SSH2: variants seen among roughly 807,000 people sequenced by gnomAD.
SSH2 encodes slingshot protein phosphatase 2.
SSH2 carries 37 observed loss-of-function variants against 135.2 expected under a neutral mutation model. The ratio of observed to expected loss-of-function variants is 0.27; its 90% CI spans 0.21 to 0.36. SSH2 has a LOEUF of 0.36. Ranked by LOEUF, SSH2 falls within the 10% of genes least tolerant of loss-of-function variation. The pLI is 1.00. For synonymous variants in SSH2, 628 were observed against 646.2 expected, an observed-to-expected ratio of 0.97 and a Z score of 0.43; for missense variants, 1,408 against 1,765.3, an observed-to-expected ratio of 0.80 and a Z score of 3.63.
Position 29,671,950 on chromosome 17 carries a change from G to C in SSH2, c.794C>G (p.Ala265Gly). ...DVQSHRPDSP[A>G]LFTDIPTERE... The stretch of plus-strand genomic sequence containing the variant: ...ACTGACTTACATGTCGGTGAAGAGA[G>C]CTGGAGAGTCGGGCCGGTGGGACTG... The change falls in exon 9 of 16, where the codon GCT (alanine) becomes GGT (glycine). Residue 265 changes from alanine to glycine, a missense_variant. Ala to Gly is a moderately conservative substitution (Grantham distance 60). Transcript: ENST00000540801. 6.2e-7 allele frequency: 1 copy of C among 1,613,624 alleles called. No individual in the cohort carries two copies. Among genetic ancestry groups the C allele is most frequent in the Non-Finnish European group, 8.5e-7 (1 of 1,179,668 alleles).
rs780464970 is a variant in SSH2 at position 29,862,738 on chromosome 17, A to G, written c.64-13809T>C. 7.2e-5 allele frequency among the ~76,000 whole-genome samples: 11 copies of G among 152,318 alleles called. No individual in the cohort carries two copies. The East Asian group carries it at 1.7e-3, about 24-fold the overall frequency. ...CTGCAATTAGCCTATTTCATTTGCAAAGGTATTGCTGCTCTTCACTCATTG... is the reference window on the plus strand; with the variant it reads ...CTGCAATTAGCCTATTTCATTTGCAGAGGTATTGCTGCTCTTCACTCATTG... On this transcript the variant is annotated intron_variant, in intron 1 of 15. Coordinates refer to ENST00000540801, the MANE Select transcript of SSH2 (RefSeq NM_001282129.2).
chr17:29,917,348 T>C (rs2066900141), intron 1 of SSH2, among the ~76,000 whole-genome samples: 1 of 152,258 alleles, frequency 6.6e-6, no homozygotes, highest in Admixed American at 6.5e-5. Context: ...CCCTGACCAT[T>C]ATCCCCTTTG....
chr17:29,791,012 G>T (rs575387182), intron 3 of SSH2, among the ~76,000 whole-genome samples: 1 of 152,220 alleles, frequency 6.6e-6, no homozygotes, highest in Non-Finnish European at 1.5e-5. Context: ...ACAGGTGTGA[G>T]CCACTGCACC....
At chr17:29,797,537 C>A (rs1006979463) in intron 2 of SSH2, among the ~76,000 whole-genome samples, 1 of 152,104 alleles carries the variant, frequency 6.6e-6, no homozygotes. Flanking sequence ...CATGAATATA[C>A]GAGTTCATTT....
chr17:29,631,660 A>G lies in SSH2; in HGVS notation c.3534T>C (p.Asp1178=), dbSNP rs2035678945. The part of the protein sequence containing the change: ...EGFTEQSSTT[D]EPSAEQVSWE... Reference sequence around the variant, plus strand: ...AGCTAACCTGTTCTGCAGAGGGCTCATCTGTAGTGCTGCTCTGCTCTGTGA... The same window carrying G: ...AGCTAACCTGTTCTGCAGAGGGCTCGTCTGTAGTGCTGCTCTGCTCTGTGA... The change falls in exon 16 of 16, where the codon GAT becomes GAC. Residue 1178 remains aspartate (D), a synonymous_variant. Coordinates refer to ENST00000540801, the MANE Select transcript of SSH2 (RefSeq NM_001282129.2). 6.2e-7 allele frequency: 1 copy of G among 1,614,092 alleles called. No homozygotes were observed. The highest frequency in any genetic ancestry group is 1.7e-5 in the Admixed American group (1 of 60,006).
chr17:29,752,119 GTTAA>G (rs1431726136), intron 3 of SSH2, among the ~76,000 whole-genome samples: 1 of 152,124 alleles, frequency 6.6e-6, no homozygotes, highest in African/African-American at 2.4e-5. Flanking sequence ...TTGTAAAACT[GTTAA>G]TTTTCTCCAA....
At chr17:29,659,165 C>T (rs1289091953) in intron 11 of SSH2, among the ~76,000 whole-genome samples, 1 of 152,184 alleles carries the variant, frequency 6.6e-6, no homozygotes, top group Non-Finnish European at 1.5e-5. Context: ...CATAGTACTT[C>T]ATGAGTACTG....
At chr17:29,837,334 A>G (rs1191503906) in intron 2 of SSH2, among the ~76,000 whole-genome samples, 1 of 152,188 alleles carries the variant, frequency 6.6e-6, no homozygotes, top group East Asian at 1.9e-4. Flanking sequence ...GTGCTTGAGT[A>G]CAATAGTGGC....
intron 2 of SSH2, among the ~76,000 whole-genome samples, chr17:29,804,983 C>G (rs1264404961): frequency 6.6e-6 from 1 of 150,800 alleles, no homozygotes; most frequent in African/African-American, 2.4e-5. Flanking sequence ...TATGAGCTAC[C>G]ACACCTGGCC....
chr17:29,725,602 CATGG>C (rs2151177064), intron 3 of SSH2, among the ~76,000 whole-genome samples: 1 of 152,282 alleles, frequency 6.6e-6, no homozygotes, highest in East Asian at 1.9e-4. Flanking sequence ...TTTGCAGGGA[CATGG>C]ATGAAGCTGG....
intron 3 of SSH2, among the ~76,000 whole-genome samples, chr17:29,721,644 G>A (rs1024363191): frequency 2.0e-5 from 3 of 152,122 alleles, no homozygotes; most frequent in South Asian, 2.1e-4. Context: ...TGGGGATTAC[G>A]GTTTCTGAAA....
intron 3 of SSH2, among the ~76,000 whole-genome samples, chr17:29,774,270 A>T (rs1598976594): frequency 2.7e-5 from 4 of 148,560 alleles, no homozygotes; most frequent in African/African-American, 9.9e-5. Flanking sequence ...CAAGAAGGAA[A>T]TTTTTTTTTT....
chr17:29,631,651 A>G lies in SSH2; in HGVS notation c.3543T>C (p.Ser1181=). 1 of 1,614,220 alleles carries G rather than the reference A, an allele frequency of 6.2e-7. No individual in the cohort carries two copies. ...TTTCTTCCCAGCTAACCTGTTCTGC[A>G]GAGGGCTCATCTGTAGTGCTGCTCT... ...TEQSSTTDEP[S]AEQVSWEESQ... The change falls in exon 16 of 16, where the codon TCT becomes TCC. Residue 1181 remains serine (S), a synonymous_variant. Coordinates refer to ENST00000540801, the MANE Select transcript of SSH2 (RefSeq NM_001282129.2).
At chr17:29,881,947 A>C (rs1482982892) in intron 1 of SSH2, among the ~76,000 whole-genome samples, 1 of 152,214 alleles carries the variant, frequency 6.6e-6, no homozygotes, top group Non-Finnish European at 1.5e-5. Context: ...ACAAACAAAC[A>C]AACAAACATC....
chr17:29,664,069 T>C (rs1028390253), intron 11 of SSH2, among the ~76,000 whole-genome samples: 2 of 152,236 alleles, frequency 1.3e-5, no homozygotes, highest in Non-Finnish European at 2.9e-5. Context: ...AATATATATG[T>C]ACATCTATAA....
At chr17:29,735,697 A>C (rs2040341478) in intron 3 of SSH2, among the ~76,000 whole-genome samples, 1 of 135,634 alleles carries the variant, frequency 7.4e-6, no homozygotes, top group Non-Finnish European at 1.6e-5. Context: ...ATTCTGTCTC[A>C]AAAAAAAAAA....
At chr17:29,830,643 G>A (rs548761662) in intron 2 of SSH2, among the ~76,000 whole-genome samples, 1 of 152,310 alleles carries the variant, frequency 6.6e-6, no homozygotes, top group African/African-American at 2.4e-5. Context: ...TAGCACATAG[G>A]AGGTACTCAG....
chr17:29,869,209 C>G (rs1011949042), intron 1 of SSH2, among the ~76,000 whole-genome samples: 1 of 152,166 alleles, frequency 6.6e-6, no homozygotes, highest in African/African-American at 2.4e-5. Flanking sequence ...ACCTACTAAA[C>G]CATAATTGGG....
chr17:29,802,823 G>C (rs1038475282), intron 2 of SSH2, among the ~76,000 whole-genome samples: 1 of 152,030 alleles, frequency 6.6e-6, no homozygotes, highest in Non-Finnish European at 1.5e-5. Flanking sequence ...AGTCTGCAAT[G>C]ATGGAAATTC....
Sources: gnomAD v4.1 joint callset for allele counts (sites outside exome capture counted in the v4.1 genomes callset) on GRCh38, gnomAD v4.1.1 for gene constraint, MANE v1.5 for transcripts, NCBI Gene and HGNC (gene_info 2026-07-23, HGNC 2026-07-21) for gene names.